The following NEBL variants were observed in gnomAD, a reference collection of about 807,000 sequenced individuals.
The protein encoded by NEBL is LIM and SH3 protein 2.
A neutral mutation model predicts 140.2 loss-of-function variants in NEBL; 122 were observed. The observed-to-expected ratio is 0.87, with a 90% confidence interval of 0.75 to 1.01. The LOEUF is 1.01. NEBL is among the 50% of genes least tolerant of loss of function. NEBL has a pLI of 0.00. For synonymous variants in NEBL, 436 were observed against 398.9 expected (o/e 1.09, Z -1.11); for missense variants, 1,365 against 1,231.3 (o/e 1.11, Z -1.62).
At chr10:20,813,573 C>T (rs932330032) in intron 23 of NEBL, among the ~76,000 whole-genome samples, 6 of 152,120 alleles carry the variant, frequency 3.9e-5, no homozygotes, top group Non-Finnish European at 5.9e-5. Context: ...TTAAAACACA[C>T]ATTTTTAAAA....
chr10:21,211,234 T>A (rs934424861), intron 3 of NEBL, among the ~76,000 whole-genome samples: 1 of 152,142 alleles, frequency 6.6e-6, no homozygotes, highest in African/African-American at 2.4e-5. Flanking sequence ...ATCCCAGCAC[T>A]TTGGGAGGCT....
intron 3 of NEBL, among the ~76,000 whole-genome samples, chr10:21,204,433 CTCTT>C (rs967109956): frequency 1.3e-5 from 2 of 152,138 alleles, no homozygotes; most frequent in African/African-American, 4.8e-5. Flanking sequence ...TTCTCTCTCT[CTCTT>C]TCTTTCTCTC....
chr10:20,860,407 A>T (rs1315766514), intron 7 of NEBL, among the ~76,000 whole-genome samples: 1 of 151,776 alleles, frequency 6.6e-6, no homozygotes, highest in East Asian at 1.9e-4. Flanking sequence ...CATCTCCAAT[A>T]CTCTCTCTAA....
intron 1 of NEBL, among the ~76,000 whole-genome samples, chr10:21,264,907 G>A (rs1384783286): frequency 6.6e-6 from 1 of 151,580 alleles, no homozygotes; most frequent in East Asian, 1.9e-4. Flanking sequence ...GGGCAAGAGA[G>A]CTTGCTGAGC....
chr10:21,028,592 G>A (rs1318783678), intron 2 of NEBL, among the ~76,000 whole-genome samples: 1 of 152,070 alleles, frequency 6.6e-6, no homozygotes, highest in African/African-American at 2.4e-5. Flanking sequence ...AGTATTCTAA[G>A]ATCTTTCTAT....
chr10:20,958,922 AT>A (rs1835929322), intron 4 of NEBL, among the ~76,000 whole-genome samples: 1 of 152,226 alleles, frequency 6.6e-6, no homozygotes, highest in Admixed American at 6.6e-5. Context: ...CTGAGTGGTC[AT>A]TTCCAAATGA....
At chr10:21,042,692 A>G (rs1834327750) in intron 2 of NEBL, among the ~76,000 whole-genome samples, 1 of 152,208 alleles carries the variant, frequency 6.6e-6, no homozygotes, top group South Asian at 2.1e-4. Flanking sequence ...AATCGCAAAC[A>G]CTGCAAATCA....
intron 2 of NEBL, among the ~76,000 whole-genome samples, chr10:21,119,012 G>A (rs1838402230): frequency 6.6e-6 from 1 of 152,118 alleles, no homozygotes; most frequent in South Asian, 2.1e-4. Flanking sequence ...ACATGAGAAA[G>A]CTAATATCAT....
chr10:20,908,516 C>T (rs181351808), intron 4 of NEBL, among the ~76,000 whole-genome samples: 164 of 152,296 alleles, frequency 1.1e-3, no homozygotes, highest in African/African-American at 3.8e-3. Flanking sequence ...CTTGATCTAG[C>T]AGGAACCTAA....
chr10:21,276,455 A>G (rs75300731), intron 1 of NEBL, among the ~76,000 whole-genome samples: 3,971 of 152,034 alleles, frequency 0.026, 133 homozygotes, highest in African/African-American at 0.079. Context: ...CACTTCCTAT[A>G]ATCTTCTACC....
intron 3 of NEBL, among the ~76,000 whole-genome samples, chr10:21,238,858 G>T (rs1842398895): frequency 6.6e-6 from 1 of 151,948 alleles, no homozygotes; most frequent in Non-Finnish European, 1.5e-5. Context: ...TACTTTTCAA[G>T]GTGTGTCTGA....
chr10:20,956,381 T>A (rs915072870), intron 4 of NEBL, among the ~76,000 whole-genome samples: 2 of 152,178 alleles, frequency 1.3e-5, no homozygotes, highest in Non-Finnish European at 2.9e-5. Context: ...CTCTTTTTTT[T>A]AAACTTTGTC....
In NEBL at chr10:21,233,631, TAG is replaced by T. The variant is rs949058146; in HGVS notation, n.348+14288_348+14289del. Among the ~76,000 whole-genome samples the T allele has an allele frequency of 4.1e-5, 6 of 145,380 alleles. No individual in the cohort carries two copies. The East Asian group carries it at 5.9e-4, about 14-fold the overall frequency. ...ATACATATATAGATATATATCTATATAGAGAGACTTATCTATATATACATATA... is the reference window on the plus strand; with the variant it reads ...ATACATATATAGATATATATCTATATAGAGACTTATCTATATATACATATA... On this transcript the variant is annotated intron_variant and non_coding_transcript_variant, in intron 3 of 8. Coordinates refer to the NEBL transcript ENST00000675702.
At position 20,795,864 on chromosome 10, in the gene NEBL, C is replaced by T. The variant is rs188928706; in HGVS notation, c.2762-8556G>A. 2.3e-3 allele frequency among the ~76,000 whole-genome samples: 357 copies of T among 152,258 alleles called. 1 individual carries two copies. The highest frequency in any genetic ancestry group is 8.3e-3 in the African/African-American group (346 of 41,556). On this transcript the variant is annotated intron_variant, in intron 26 of 27. Transcript: ENST00000377122. ...TATATGAAAGATTTAGTTGAAAATA[C>T]AATTAATTCCATGAGATTTTTAACC... is the stretch of plus-strand genomic sequence containing the variant.
intron 5 of NEBL, among the ~76,000 whole-genome samples, chr10:20,871,861 A>G (rs896652007): frequency 2.6e-5 from 4 of 152,180 alleles, no homozygotes; most frequent in Non-Finnish European, 4.4e-5. Context: ...TGGCTTCAAA[A>G]AGCAACATGC....
chr10:21,216,920 G>A (rs1842000322), intron 3 of NEBL, among the ~76,000 whole-genome samples: 1 of 152,098 alleles, frequency 6.6e-6, no homozygotes, highest in African/African-American at 2.4e-5. Context: ...CCCAGAAGGT[G>A]GAGGTTGCAG....
chr10:20,852,372 C>A (rs1316272284), intron 10 of NEBL, among the ~76,000 whole-genome samples, 173 bp downstream of exon 10: 1 of 151,980 alleles, frequency 6.6e-6, no homozygotes, highest in Non-Finnish European at 1.5e-5. Context: ...GACCCCAATA[C>A]CTACACAGCA....
At chr10:21,282,511 G>C (rs1370930105) in intron 1 of NEBL, among the ~76,000 whole-genome samples, 1 of 151,650 alleles carries the variant, frequency 6.6e-6, no homozygotes. Context: ...GCCAAAGGCA[G>C]GGGGGAAAAA....
intron 3 of NEBL, among the ~76,000 whole-genome samples, chr10:21,002,317 A>G (rs765551388): frequency 3.3e-5 from 5 of 152,228 alleles, no homozygotes; most frequent in African/African-American, 4.8e-5. Flanking sequence ...ATTGCAGATT[A>G]CTTTCCAAGA....
Sources: allele counts gnomAD v4.1 joint callset (sites outside exome capture counted in the v4.1 genomes callset), GRCh38; gene constraint gnomAD v4.1.1; transcripts MANE v1.5; gene names NCBI Gene and HGNC (gene_info 2026-07-23, HGNC 2026-07-21).